The following OR7C2 variants were observed in gnomAD, a reference collection of about 807,000 sequenced individuals.
OR7C2 encodes olfactory receptor 7C2.
For missense variants in OR7C2, 374 were observed against 387.4 expected, an observed-to-expected ratio of 0.97 and a Z score of 0.29; for synonymous variants, 160 against 157.7, an observed-to-expected ratio of 1.01 and a Z score of -0.11.
rs1309930934 is a variant in OR7C2 at position 14,942,027 on chromosome 19, A to C, written c.539A>C (p.Asp180Ala). 6.2e-7 allele frequency: 1 copy of C among 1,613,874 alleles called. No homozygotes were observed. Among genetic ancestry groups the C allele is most frequent in the African/African-American group, 1.3e-5 (1 of 74,864 alleles). ...TNMEIPHFFCDPSEVLKLACS... is the reference protein window; with the variant it reads ...TNMEIPHFFCAPSEVLKLACS... ...ATGGAAATTCCGCACTTTTTTTGTG[A>C]TCCTTCCGAAGTCCTGAAGCTGGCC... is the stretch of plus-strand genomic sequence containing the variant. The change falls in exon 1 of 1, where the codon GAT becomes GCT. Residue 180 changes from aspartate to alanine, a missense_variant. Transcript: ENST00000248072.
Position 14,941,916 on chromosome 19 carries a change from T to G in OR7C2, c.428T>G (p.Leu143Arg). 6.2e-7 allele frequency: 1 copy of G among 1,614,156 alleles called. No homozygotes were observed. The highest frequency in any genetic ancestry group is 8.5e-7 in the Non-Finnish European group (1 of 1,180,016). ...ATCATGAACCCCCGGCTCTGTGGAC[T>G]GCTGGTTCTGGGGTCCTGGTGCATC... is the stretch of plus-strand genomic sequence containing the variant. ...TVIMNPRLCG[L>R]LVLGSWCISV... is the part of the protein sequence containing the mutation. Residue 143 changes from leucine (L) to arginine (R), a missense_variant, in exon 1 of 1, where the codon CTG becomes CGG. Leu to Arg is a moderately radical substitution (Grantham distance 102). Transcript: ENST00000248072.
At position 14,941,885 on chromosome 19, in the gene OR7C2, A is replaced by C. The variant is rs202241920; in HGVS notation, c.397A>C (p.Thr133Pro). 2.5e-6 allele frequency: 4 copies of C among 1,613,932 alleles called. No individual in the cohort carries two copies. In the African/African-American group the frequency reaches 5.3e-5, roughly 22 times the overall value. Residue 133 changes from threonine (T) to proline (P), a missense_variant, in exon 1 of 1, where the codon ACG becomes CCG. Physicochemically the swap from Thr to Pro is conservative, Grantham distance 38. Transcript: ENST00000248072. ...GGCCATCTGTTACCCCCTGCACTAC[A>C]CGGTCATCATGAACCCCCGGCTCTG... ...FVAICYPLHY[T>P]VIMNPRLCGL...
In OR7C2 at chr19:14,941,645, TCCCACCTCCACACC is replaced by T; in HGVS notation, c.162_175del (p.Leu55ValfsTer11). 6.2e-7 allele frequency: 1 copy of T among 1,614,094 alleles called. No individual in the cohort carries two copies. The highest frequency in any genetic ancestry group is 8.5e-7 in the Non-Finnish European group (1 of 1,180,000). Reference sequence around the variant, plus strand: ...CATCATCCTGACCATCAGTTCAGACTCCCACCTCCACACCCCCATGTACTTCTTCCTCTCCAACC... The same window carrying T: ...CATCATCCTGACCATCAGTTCAGACTCCCATGTACTTCTTCCTCTCCAACC... On this transcript the variant is annotated frameshift_variant, in exon 1 of 1. Coordinates refer to ENST00000248072, the MANE Select transcript of OR7C2 (RefSeq NM_012377.1). LOFTEE classifies it low-confidence loss of function (END_TRUNC).
Position 14,942,346 on chromosome 19 carries a change from C to T in OR7C2, c.858C>T (p.Pro286=). The change falls in exon 1 of 1, where the codon CCC becomes CCT. Residue 286 remains proline, a synonymous_variant. Transcript: ENST00000248072. ...MYTMVTPMLN[P]FIYSLRNKDM... ...CCATGGTCACCCCCATGCTGAACCC[C>T]TTCATCTACAGCCTGAGGAACAAGG... 6.2e-7 allele frequency: 1 copy of T among 1,614,144 alleles called. No individual in the cohort carries two copies. Among genetic ancestry groups the T allele is most frequent in the Non-Finnish European group, 8.5e-7 (1 of 1,180,030 alleles).
Position 14,942,038 on chromosome 19 carries a change from G to A in OR7C2, c.550G>A (p.Val184Ile). ...IPHFFCDPSE[V>I]LKLACSDTFI... ...GCACTTTTTTTGTGATCCTTCCGAA[G>A]TCCTGAAGCTGGCCTGTTCTGACAC... is the stretch of plus-strand genomic sequence containing the variant. The change falls in exon 1 of 1, where the codon GTC (valine) becomes ATC (isoleucine). Residue 184 changes from valine to isoleucine, a missense_variant. Coordinates refer to ENST00000248072, the MANE Select transcript of OR7C2 (RefSeq NM_012377.1). The A allele has an allele frequency of 6.2e-7, 1 of 1,614,106 alleles. No homozygotes were observed. Among genetic ancestry groups the A allele is most frequent in the Non-Finnish European group, 8.5e-7 (1 of 1,180,024 alleles).
Position 14,941,513 on chromosome 19 carries a change from G to A in OR7C2, c.25G>A (p.Val9Ile). 6.3e-7 allele frequency: 1 copy of A among 1,578,570 alleles called. No homozygotes were observed. Among genetic ancestry groups the A allele is most frequent in the Non-Finnish European group, 8.6e-7 (1 of 1,159,816 alleles). ...CATGGAAAGAGGAAACCAAACAGAA[G>A]TTGGAAACTTTCTCCTCCTGGGATT... Reference protein sequence around the residue: MERGNQTEVGNFLLLGFAE... With the variant: MERGNQTEIGNFLLLGFAE... The change falls in exon 1 of 1, where the codon GTT becomes ATT. Residue 9 changes from valine (V) to isoleucine (I), a missense_variant. Physicochemically the swap from Val to Ile is conservative, Grantham distance 29. Coordinates refer to ENST00000248072, the MANE Select transcript of OR7C2 (RefSeq NM_012377.1).
rs138768157 is a variant in OR7C2, at chr19:14,942,414, C to T, written c.926C>T (p.Ser309Phe). The change falls in exon 1 of 1, where the codon TCT becomes TTT. Residue 309 changes from serine to phenylalanine, a missense_variant. Coordinates refer to ENST00000248072, the MANE Select transcript of OR7C2 (RefSeq NM_012377.1). ...GGGAGACTCCTCCTCAGGGCAACGT[C>T]TCTCAAAGAGGGGACCATTGCTAAG... ...SLGRLLLRAT[S>F]LKEGTIAKLS is the part of the protein sequence containing the mutation. 5.3e-4 allele frequency: 848 copies of T among 1,613,710 alleles called. 2 individuals carry two copies. The African/African-American group carries it at 7.1e-3, about 13-fold the overall frequency.
chr19:14,942,411 C>A lies in OR7C2; in HGVS notation c.923C>A (p.Thr308Lys). Reference sequence around the variant, plus strand: ...CTGGGGAGACTCCTCCTCAGGGCAACGTCTCTCAAAGAGGGGACCATTGCT... The same window carrying A: ...CTGGGGAGACTCCTCCTCAGGGCAAAGTCTCTCAAAGAGGGGACCATTGCT... ...GSLGRLLLRA[T>K]SLKEGTIAKL... The change falls in exon 1 of 1, where the codon ACG becomes AAG. Residue 308 changes from threonine to lysine, a missense_variant. Transcript: ENST00000248072. 6.2e-7 allele frequency: 1 copy of A among 1,613,652 alleles called. No homozygotes were observed. Among genetic ancestry groups the A allele is most frequent in the Non-Finnish European group, 8.5e-7 (1 of 1,179,790 alleles).
rs902664146 is a variant in OR7C2 at position 14,941,884 on chromosome 19, C to T, written c.396C>T (p.Tyr132=). The part of the protein sequence containing the change: ...RFVAICYPLH[Y]TVIMNPRLCG... ...TGGCCATCTGTTACCCCCTGCACTA[C>T]ACGGTCATCATGAACCCCCGGCTCT... The change falls in exon 1 of 1, where the codon TAC becomes TAT. Residue 132 remains tyrosine, a synonymous_variant. Coordinates refer to ENST00000248072, the MANE Select transcript of OR7C2 (RefSeq NM_012377.1). The T allele has an allele frequency of 1.2e-6, 2 of 1,614,184 alleles. No homozygotes were observed. The highest frequency in any genetic ancestry group is 1.7e-6 in the Non-Finnish European group (2 of 1,180,040).
chr19:14,941,779 C>T lies in OR7C2; in HGVS notation c.291C>T (p.Cys97=). 6.2e-7 allele frequency: 1 copy of T among 1,614,170 alleles called. No homozygotes were observed. Among genetic ancestry groups the T allele is most frequent in the Non-Finnish European group, 8.5e-7 (1 of 1,180,034 alleles). ...GCAAAATGATCACTTTTGCAGGCTGCCTCACTCAGATATTTTTTTTCATTG... is the reference window on the plus strand; with the variant it reads ...GCAAAATGATCACTTTTGCAGGCTGTCTCACTCAGATATTTTTTTTCATTG... ...TQSKMITFAG[C]LTQIFFFIAF... is the part of the protein sequence containing the mutation. The change falls in exon 1 of 1, where the codon TGC becomes TGT. Residue 97 remains cysteine (C), a synonymous_variant. Coordinates refer to ENST00000248072, the MANE Select transcript of OR7C2 (RefSeq NM_012377.1).
Position 14,942,107 on chromosome 19 carries a change from G to C in OR7C2, c.619G>C (p.Gly207Arg), listed in dbSNP as rs748811700. Reference protein sequence around the residue: ...IVMYFVTIVLGVFPLCGILFS... With the variant: ...IVMYFVTIVLRVFPLCGILFS... ...GATGTATTTTGTGACCATTGTCCTG[G>C]GTGTTTTTCCTCTCTGTGGAATCCT... is the stretch of plus-strand genomic sequence containing the variant. The change falls in exon 1 of 1, where the codon GGT becomes CGT. Residue 207 changes from glycine (G) to arginine (R), a missense_variant. Physicochemically the swap from Gly to Arg is moderately radical, Grantham distance 125 (BLOSUM62 -2). Transcript: ENST00000248072. The C allele has an allele frequency of 1.2e-6, 2 of 1,613,850 alleles. No homozygotes were observed. The highest frequency in any genetic ancestry group is 1.7e-6 in the Non-Finnish European group (2 of 1,179,986).
rs965496366 is a variant in OR7C2 at position 14,941,905 on chromosome 19, G to T, written c.417G>T (p.Arg139=). The T allele has an allele frequency of 1.2e-6, 2 of 1,613,950 alleles. No individual in the cohort carries two copies. The highest frequency in any genetic ancestry group is 2.2e-5 in the South Asian group (2 of 91,070). The change falls in exon 1 of 1, where the codon CGG becomes CGT. Residue 139 remains arginine (R), a synonymous_variant. Coordinates refer to ENST00000248072, the MANE Select transcript of OR7C2 (RefSeq NM_012377.1). The part of the protein sequence containing the change: ...PLHYTVIMNP[R]LCGLLVLGSW... ...ACTACACGGTCATCATGAACCCCCG[G>T]CTCTGTGGACTGCTGGTTCTGGGGT...
Position 14,942,051 on chromosome 19 carries a change from C to G in OR7C2, c.563C>G (p.Ala188Gly). ...GATCCTTCCGAAGTCCTGAAGCTGG[C>G]CTGTTCTGACACCTTCATCAATAAC... is the stretch of plus-strand genomic sequence containing the variant. ...FCDPSEVLKLACSDTFINNIV... is the reference protein window; with the variant it reads ...FCDPSEVLKLGCSDTFINNIV... The change falls in exon 1 of 1, where the codon GCC becomes GGC. Residue 188 changes from alanine to glycine, a missense_variant. Coordinates refer to ENST00000248072, the MANE Select transcript of OR7C2 (RefSeq NM_012377.1). The G allele has an allele frequency of 6.2e-7, 1 of 1,614,114 alleles. No homozygotes were observed. Among genetic ancestry groups the G allele is most frequent in the Non-Finnish European group, 8.5e-7 (1 of 1,180,010 alleles).
rs752116937 is a variant in OR7C2, at chr19:14,942,088, T to C, written c.600T>C (p.Tyr200=). ...SDTFINNIVM[Y]FVTIVLGVFP... Reference sequence around the variant, plus strand: ...CCTTCATCAATAACATCGTGATGTATTTTGTGACCATTGTCCTGGGTGTTT... The same window carrying C: ...CCTTCATCAATAACATCGTGATGTACTTTGTGACCATTGTCCTGGGTGTTT... The change falls in exon 1 of 1, where the codon TAT becomes TAC. Residue 200 remains tyrosine, a synonymous_variant. Transcript: ENST00000248072. 6.2e-7 allele frequency: 1 copy of C among 1,614,196 alleles called. No homozygotes were observed. Among genetic ancestry groups the C allele is most frequent in the Non-Finnish European group, 8.5e-7 (1 of 1,180,034 alleles).
In OR7C2 at chr19:14,941,539, C is replaced by A; in HGVS notation, c.51C>A (p.Phe17Leu). 1.9e-6 allele frequency: 3 copies of A among 1,600,226 alleles called. No individual in the cohort carries two copies. The highest frequency in any genetic ancestry group is 2.6e-6 in the Non-Finnish European group (3 of 1,170,548). ...TTGGAAACTTTCTCCTCCTGGGATT[C>A]GCAGAGGACTCTGACATGCAGCTTC... ...TEVGNFLLLG[F>L]AEDSDMQLLL... Residue 17 changes from phenylalanine (F) to leucine (L), a missense_variant, in exon 1 of 1, where the codon TTC becomes TTA. Transcript: ENST00000248072.
At position 14,941,692 on chromosome 19, in the gene OR7C2, T is replaced by C; in HGVS notation, c.204T>C (p.Phe68=). ...ACTTCTTCCTCTCCAACCTGTCCTT[T>C]GCTGACATCTGTTTCACATCCACGA... is the stretch of plus-strand genomic sequence containing the variant. ...PMYFFLSNLS[F]ADICFTSTTV... Residue 68 remains phenylalanine (F), a synonymous_variant, in exon 1 of 1, where the codon TTT becomes TTC. Coordinates refer to ENST00000248072, the MANE Select transcript of OR7C2 (RefSeq NM_012377.1). 1 of 1,614,194 alleles carries C rather than the reference T, an allele frequency of 6.2e-7. No individual in the cohort carries two copies. Among genetic ancestry groups the C allele is most frequent in the Non-Finnish European group, 8.5e-7 (1 of 1,180,036 alleles).
rs115351919 is a variant in OR7C2, at chr19:14,941,677, C to T, written c.189C>T (p.Leu63=). Residue 63 remains leucine, a synonymous_variant, in exon 1 of 1, where the codon CTC becomes CTT. Coordinates refer to ENST00000248072, the MANE Select transcript of OR7C2 (RefSeq NM_012377.1). ...TCCACACCCCCATGTACTTCTTCCT[C>T]TCCAACCTGTCCTTTGCTGACATCT... ...SHLHTPMYFF[L]SNLSFADICF... 4 of 1,614,224 alleles carry T rather than the reference C, an allele frequency of 2.5e-6. No homozygotes were observed. Among genetic ancestry groups the T allele is most frequent in the Non-Finnish European group, 3.4e-6 (4 of 1,180,044 alleles).
chr19:14,941,708 A>G lies in OR7C2; in HGVS notation c.220A>G (p.Thr74Ala). The G allele has an allele frequency of 6.2e-7, 1 of 1,614,136 alleles. No individual in the cohort carries two copies. The highest frequency in any genetic ancestry group is 1.1e-5 in the South Asian group (1 of 91,080). ...SNLSFADICF[T>A]STTVPKMLVN... is the part of the protein sequence containing the mutation. ...CCTGTCCTTTGCTGACATCTGTTTC[A>G]CATCCACGACTGTCCCAAAGATGCT... is the stretch of plus-strand genomic sequence containing the variant. The change falls in exon 1 of 1, where the codon ACA becomes GCA. Residue 74 changes from threonine to alanine, a missense_variant. Physicochemically the swap from Thr to Ala is moderately conservative, Grantham distance 58. Coordinates refer to ENST00000248072, the MANE Select transcript of OR7C2 (RefSeq NM_012377.1).
rs778215705 is a variant in OR7C2 at position 14,942,240 on chromosome 19, A to G, written c.752A>G (p.Tyr251Cys). 3 of 1,613,932 alleles carry G rather than the reference A, an allele frequency of 1.9e-6. No individual in the cohort carries two copies. The highest frequency in any genetic ancestry group is 1.1e-5 in the South Asian group (1 of 91,066). The change falls in exon 1 of 1, where the codon TAT (tyrosine) becomes TGT (cysteine). Residue 251 changes from tyrosine to cysteine, a missense_variant. Tyr to Cys is a radical substitution (Grantham distance 194, BLOSUM62 -2). Coordinates refer to ENST00000248072, the MANE Select transcript of OR7C2 (RefSeq NM_012377.1). ...GSHLSVVSLFYGTGLGVYLSS... is the reference protein window; with the variant it reads ...GSHLSVVSLFCGTGLGVYLSS... ...CACCTCTCAGTGGTCAGCTTGTTCT[A>G]TGGCACTGGCCTTGGGGTCTATCTC...
Sources: gnomAD v4.1 joint callset for allele counts on GRCh38, gnomAD v4.1.1 for gene constraint, MANE v1.5 for transcripts, NCBI Gene and HGNC (gene_info 2026-07-23, HGNC 2026-07-21) for gene names.